STX8: variants seen among roughly 807,000 people sequenced by gnomAD.
STX8 encodes syntaxin-8.
Under a neutral mutation model 37.5 loss-of-function variants are expected in STX8, and 23 were observed. The ratio of observed to expected loss-of-function variants is 0.61; its 90% CI spans 0.44 to 0.87. The LOEUF (loss-of-function observed/expected upper bound fraction) is 0.87. Ranked by LOEUF, STX8 falls within the 40% of genes least tolerant of loss-of-function variation. STX8 has a pLI of 0.00. For synonymous variants in STX8, 115 were observed against 99.1 expected (o/e 1.16, Z -0.95); for missense variants, 313 against 284.7 (o/e 1.10, Z -0.71).
At chr17:9,378,451 A>G (rs952433900) in intron 7 of STX8, 101 bp downstream of exon 7, 1 of 1,028,902 alleles carries the variant, frequency 9.7e-7, no homozygotes, top group Non-Finnish European at 1.5e-6. Context: ...GTATCAGAAG[A>G]GCAACCAAAT....
At chr17:9,364,277 T>G (rs570114600) in intron 7 of STX8, among the ~76,000 whole-genome samples, 2 of 152,284 alleles carry the variant, frequency 1.3e-5, no homozygotes, top group African/African-American at 4.8e-5. Flanking sequence ...CACAGTATTC[T>G]CTTAGATTAC....
intron 6 of STX8, among the ~76,000 whole-genome samples, chr17:9,457,883 A>AT (rs947074964): frequency 1.3e-5 from 2 of 152,170 alleles, no homozygotes; most frequent in Non-Finnish European, 2.9e-5. Context: ...TATCAATCCA[A>AT]TTTTTGACAA....
intron 6 of STX8, among the ~76,000 whole-genome samples, chr17:9,487,448 C>T (rs983008504): frequency 2.0e-5 from 3 of 151,964 alleles, no homozygotes; most frequent in Non-Finnish European, 2.9e-5. Flanking sequence ...GGCCTTTTTT[C>T]GCTTTAACAA....
chr17:9,313,147 C>A (rs962353676), intron 7 of STX8, among the ~76,000 whole-genome samples: 2 of 152,012 alleles, frequency 1.3e-5, no homozygotes, highest in East Asian at 1.9e-4. Flanking sequence ...GCCGAGATCA[C>A]GCCATTGCAT....
chr17:9,439,367 C>T (rs1904557339), intron 6 of STX8, among the ~76,000 whole-genome samples: 4 of 152,102 alleles, frequency 2.6e-5, no homozygotes, highest in African/African-American at 9.7e-5. Context: ...CAATGCCTAA[C>T]AAAACACTTA....
At chr17:9,550,671 G>C (rs1020785873) in intron 3 of STX8, among the ~76,000 whole-genome samples, 1 of 152,200 alleles carries the variant, frequency 6.6e-6, no homozygotes, top group Non-Finnish European at 1.5e-5. Context: ...CTCTGCTGTA[G>C]CCTGGTGAGC....
At chr17:9,386,382 C>T (rs567720938) in intron 6 of STX8, among the ~76,000 whole-genome samples, 1 of 152,204 alleles carries the variant, frequency 6.6e-6, no homozygotes, top group South Asian at 2.1e-4. Flanking sequence ...TAAACCTAGC[C>T]TACAAAATAG....
At chr17:9,519,923 A>G (rs12941868) in intron 4 of STX8, among the ~76,000 whole-genome samples, 8,903 of 151,986 alleles carry the variant, frequency 0.059, 377 homozygotes, top group South Asian at 0.14. Flanking sequence ...CCTTGAATCA[A>G]TCACTCGCTG....
At chr17:9,403,716 G>A (rs572571934) in intron 6 of STX8, among the ~76,000 whole-genome samples, 97 of 151,716 alleles carry the variant, frequency 6.4e-4, no homozygotes, top group African/African-American at 2.0e-3. Context: ...GCACGATCTC[G>A]GCTCACTGCA....
intron 6 of STX8, among the ~76,000 whole-genome samples, chr17:9,470,214 G>A (rs950431982): frequency 1.3e-5 from 2 of 152,176 alleles, no homozygotes; most frequent in Admixed American, 6.5e-5. Context: ...AGAGAATGTC[G>A]TGTCTCTTCC....
intron 7 of STX8, among the ~76,000 whole-genome samples, chr17:9,286,108 A>G (rs2142157618): frequency 6.6e-6 from 1 of 152,292 alleles, no homozygotes; most frequent in Middle Eastern, 3.4e-3. Context: ...CCGTGAAGTC[A>G]GTCTACGTTT....
At chr17:9,440,611 G>A (rs12452537) in intron 6 of STX8, among the ~76,000 whole-genome samples, 17,354 of 149,184 alleles carry the variant, frequency 0.12, 1,320 homozygotes, top group Middle Eastern at 0.18. Flanking sequence ...TGCAACCTCC[G>A]CCTCCTGGGT....
At chr17:9,251,329 TG>T (rs1906568446) in intron 7 of STX8, among the ~76,000 whole-genome samples, 1 of 152,202 alleles carries the variant, frequency 6.6e-6, no homozygotes, top group South Asian at 2.1e-4. Context: ...GCTGATGAAG[TG>T]GGCCCCACAG....
chr17:9,424,361 T>G (rs1913549573), intron 6 of STX8, among the ~76,000 whole-genome samples: 1 of 151,976 alleles, frequency 6.6e-6, no homozygotes, highest in Non-Finnish European at 1.5e-5. Flanking sequence ...TCAACCAGTT[T>G]ATCCTTCAAC....
chr17:9,332,399 T>C (rs900983631), intron 7 of STX8, among the ~76,000 whole-genome samples: 1 of 152,186 alleles, frequency 6.6e-6, no homozygotes, highest in African/African-American at 2.4e-5. Context: ...TTTGGTTAAC[T>C]TAACCAACAT....
chr17:9,574,310 T>C (rs972993072), intron 1 of STX8, among the ~76,000 whole-genome samples: 1 of 147,384 alleles, frequency 6.8e-6, no homozygotes, highest in Admixed American at 6.9e-5. Context: ...AGTTATGCTT[T>C]CAAAGAATGT....
At chr17:9,408,299 T>C (rs927441083) in intron 6 of STX8, among the ~76,000 whole-genome samples, 3 of 152,166 alleles carry the variant, frequency 2.0e-5, no homozygotes, top group African/African-American at 7.2e-5. Context: ...GTGTAAGCGT[T>C]GGTCACTATA....
chr17:9,388,116 G>C (rs987616167), intron 6 of STX8, among the ~76,000 whole-genome samples: 2 of 147,948 alleles, frequency 1.4e-5, no homozygotes, highest in Admixed American at 6.8e-5. Context: ...TTGTTGCCCA[G>C]GCTGGAGTGC....
intron 4 of STX8, among the ~76,000 whole-genome samples, chr17:9,529,906 G>A (rs1367713023): frequency 6.6e-6 from 1 of 152,144 alleles, no homozygotes; most frequent in Non-Finnish European, 1.5e-5. Context: ...CGTGAGCCCA[G>A]GACCTTGAGG....
Sources: allele counts gnomAD v4.1 joint callset (sites outside exome capture counted in the v4.1 genomes callset), GRCh38; gene constraint gnomAD v4.1.1; transcripts MANE v1.5; gene names NCBI Gene and HGNC (gene_info 2026-07-23, HGNC 2026-07-21).